The following AKAP19 variants were observed in gnomAD, a reference collection of about 807,000 sequenced individuals.
AKAP19 encodes the protein small A-kinase anchoring protein.
the AKAP19 span, among the ~76,000 whole-genome samples, chr2:189,932,855 A>C: frequency 6.6e-6 from 1 of 152,160 alleles, no homozygotes; most frequent in Non-Finnish European, 1.5e-5. Flanking sequence ...ATTATTGGTA[A>C]CATTTAATTA....
chr2:189,958,806 T>A, the AKAP19 span, among the ~76,000 whole-genome samples: 1 of 152,058 alleles, frequency 6.6e-6, no homozygotes, highest in Non-Finnish European at 1.5e-5. Flanking sequence ...ATGAAAGAAC[T>A]TGAATGAATC....
chr2:190,005,202 A>C, the AKAP19 span, among the ~76,000 whole-genome samples: 2 of 152,166 alleles, frequency 1.3e-5, no homozygotes, highest in Non-Finnish European at 2.9e-5. Context: ...TGAATCAACA[A>C]AGCTTCCGCA....
the AKAP19 span, among the ~76,000 whole-genome samples, chr2:189,990,776 G>A: frequency 6.6e-6 from 1 of 152,016 alleles, no homozygotes; most frequent in African/African-American, 2.4e-5. Context: ...AAGTTCTTTA[G>A]TGGTGATTTC....
chr2:189,934,968 T>C, the AKAP19 span, among the ~76,000 whole-genome samples: 1 of 152,028 alleles, frequency 6.6e-6, no homozygotes, highest in Non-Finnish European at 1.5e-5. Flanking sequence ...AGGGACTATA[T>C]GATCTGGCTG....
chr2:190,090,500 A>C, the AKAP19 span, among the ~76,000 whole-genome samples: 1 of 152,310 alleles, frequency 6.6e-6, no homozygotes, highest in African/African-American at 2.4e-5. Context: ...GATTCTTCCC[A>C]AGTGGATTGA....
the AKAP19 span, chr2:190,200,276 A>G: frequency 1.3e-6 from 1 of 741,378 alleles, no homozygotes. Context: ...TAATGTCACT[A>G]TTATAAGAAC....
the AKAP19 span, among the ~76,000 whole-genome samples, chr2:189,885,577 C>A: frequency 6.6e-6 from 1 of 152,092 alleles, no homozygotes; most frequent in Admixed American, 6.6e-5. Flanking sequence ...ATTGCTGAAC[C>A]ATTAAATTTT....
At chr2:190,017,782 A>G in the AKAP19 span, among the ~76,000 whole-genome samples, 2 of 152,152 alleles carry the variant, frequency 1.3e-5, no homozygotes, top group African/African-American at 4.8e-5. Context: ...GTTATTACTT[A>G]GCAGCATTTT....
the AKAP19 span, among the ~76,000 whole-genome samples, chr2:190,010,265 G>A: frequency 6.6e-6 from 1 of 152,190 alleles, no homozygotes; most frequent in East Asian, 1.9e-4. Flanking sequence ...AGGCAGGAAA[G>A]GAGAATGGGT....
chr2:190,050,493 A>G, the AKAP19 span, among the ~76,000 whole-genome samples: 1 of 152,212 alleles, frequency 6.6e-6, no homozygotes, highest in Non-Finnish European at 1.5e-5. Flanking sequence ...CACGCTTACT[A>G]ATAACACTAG....
At chr2:189,887,270 T>C in the AKAP19 span, among the ~76,000 whole-genome samples, 2 of 152,170 alleles carry the variant, frequency 1.3e-5, no homozygotes, top group Admixed American at 6.5e-5. Flanking sequence ...AGAGTGATGG[T>C]TTCCAGCTTC....
At chr2:189,969,598 C>T in the AKAP19 span, among the ~76,000 whole-genome samples, 4 of 151,488 alleles carry the variant, frequency 2.6e-5, no homozygotes, top group South Asian at 2.1e-4. Flanking sequence ...GGCATGATGG[C>T]GGGCACCTGT....
the AKAP19 span, among the ~76,000 whole-genome samples, chr2:190,185,037 C>T: frequency 6.6e-6 from 1 of 152,160 alleles, no homozygotes; most frequent in Non-Finnish European, 1.5e-5. Context: ...TTTCTTGGTC[C>T]TCTGACCTAG....
the AKAP19 span, among the ~76,000 whole-genome samples, chr2:189,966,597 A>C: frequency 4.6e-5 from 7 of 152,192 alleles, no homozygotes; most frequent in Non-Finnish European, 8.8e-5. Context: ...TTGTAAAGCA[A>C]CTGTTCTGTA....
chr2:190,064,298 A>G, the AKAP19 span, among the ~76,000 whole-genome samples: 1 of 152,080 alleles, frequency 6.6e-6, no homozygotes, highest in Non-Finnish European at 1.5e-5. Context: ...ACAATATTAG[A>G]TCTGGCTTCT....
chr2:190,058,092 T>C, the AKAP19 span, among the ~76,000 whole-genome samples: 3 of 152,030 alleles, frequency 2.0e-5, no homozygotes, highest in East Asian at 1.9e-4. Context: ...TTAGGTATAG[T>C]CATCCATCCT....
the AKAP19 span, among the ~76,000 whole-genome samples, chr2:189,895,787 T>G: frequency 6.6e-6 from 1 of 152,026 alleles, no homozygotes; most frequent in Non-Finnish European, 1.5e-5. Context: ...GAATATTAGT[T>G]TAAAAGCATG....
the AKAP19 span, among the ~76,000 whole-genome samples, chr2:189,919,848 A>G: frequency 1.3e-5 from 2 of 152,132 alleles, no homozygotes; most frequent in African/African-American, 4.8e-5. Flanking sequence ...TTATCCCTTC[A>G]TCTTGCCCCT....
the AKAP19 span, among the ~76,000 whole-genome samples, chr2:189,969,392 T>A: frequency 2.0e-5 from 3 of 152,326 alleles, no homozygotes; most frequent in African/African-American, 7.2e-5. Flanking sequence ...AAATGTTTGT[T>A]GTTTGTGAAC....
Sources: allele counts gnomAD v4.1 joint callset (sites outside exome capture counted in the v4.1 genomes callset), GRCh38; gene constraint gnomAD v4.1.1; transcripts MANE v1.5; gene names NCBI Gene and HGNC (gene_info 2026-07-23, HGNC 2026-07-21).